The following ACAP2 variants were observed in gnomAD, a reference collection of about 807,000 sequenced individuals.
ACAP2 encodes the protein arf-GAP with coiled-coil, ANK repeat and PH domain-containing protein 2.
A neutral mutation model predicts 115.8 loss-of-function variants in ACAP2; 39 were observed. That is an observed-to-expected ratio of 0.34 (90% CI 0.26 to 0.44). ACAP2 has a LOEUF of 0.44. Among genes scored for constraint, ACAP2 ranks in the 20% least tolerant of loss-of-function variants. The pLI, the probability that ACAP2 is intolerant of heterozygous loss-of-function variation, is 1.00. For synonymous variants in ACAP2, 289 were observed against 315.8 expected (o/e 0.92, Z 0.90); for missense variants, 662 against 927.6 (o/e 0.71, Z 3.72).
At chr3:195,421,069 A>C (rs958329012) in intron 1 of ACAP2, among the ~76,000 whole-genome samples, 1 of 152,202 alleles carries the variant, frequency 6.6e-6, no homozygotes, top group Non-Finnish European at 1.5e-5. Flanking sequence ...AAGGACTAAA[A>C]ATCACTGTGC....
chr3:195,427,636 G>A (rs887691729), intron 1 of ACAP2, among the ~76,000 whole-genome samples: 4 of 152,224 alleles, frequency 2.6e-5, no homozygotes, highest in Non-Finnish European at 4.4e-5. Context: ...TAGGCCGGAC[G>A]CAGTGGCTCA....
At chr3:195,361,004 A>C (rs1443595657) in intron 4 of ACAP2, among the ~76,000 whole-genome samples, 5 of 140,364 alleles carry the variant, frequency 3.6e-5, no homozygotes, top group Non-Finnish European at 7.6e-5. Flanking sequence ...AAAAAAAAAA[A>C]CCTGAAATAA....
chr3:195,301,961 C>T lies in ACAP2; in HGVS notation c.1325+5G>A, dbSNP rs750532491. The T allele has an allele frequency of 1.2e-6, 2 of 1,611,928 alleles. No homozygotes were observed. The highest frequency in any genetic ancestry group is 1.7e-6 in the Non-Finnish European group (2 of 1,179,368). Reference sequence around the variant, plus strand: ...GAAATTCTCATCCTGGGCAGGCCTACCCACCGGTGAATTCCGGAGCACTCG... The same window carrying T: ...GAAATTCTCATCCTGGGCAGGCCTATCCACCGGTGAATTCCGGAGCACTCG... On this transcript the variant is annotated splice_donor_5th_base_variant and intron_variant, in intron 14 of 22. Transcript: ENST00000326793.
intron 19 of ACAP2, among the ~76,000 whole-genome samples, 186 bp from the exon 20 acceptor site, chr3:195,292,001 T>C (rs554820701): frequency 6.6e-6 from 1 of 152,328 alleles, no homozygotes; most frequent in South Asian, 2.1e-4. Flanking sequence ...TCCCAAGAAC[T>C]AATTCTAATA....
At position 195,326,927 on chromosome 3, in the gene ACAP2, C is replaced by G. The variant is rs760965824; in HGVS notation, c.702G>C (p.Glu234Asp). Residue 234 changes from glutamate to aspartate, a missense_variant, in exon 9 of 23, where the codon GAG becomes GAC. Glu to Asp is a conservative substitution (Grantham distance 45, BLOSUM62 2). Around this residue, in one of 3 missense-constraint regions of ACAP2, gnomAD observed 401 missense variants for 604.4 expected, o/e 0.66. Coordinates refer to ENST00000326793, the MANE Select transcript of ACAP2 (RefSeq NM_012287.6). Reference protein sequence around the residue: ...LDRLVVDAAKEKREMEQKHST... With the variant: ...LDRLVVDAAKDKREMEQKHST... ...AATGTTTTTGCTCCATTTCTCTTTTCTCCTTTGCTGCATCCACAACCAGTC... is the reference window on the plus strand; with the variant it reads ...AATGTTTTTGCTCCATTTCTCTTTTGTCCTTTGCTGCATCCACAACCAGTC... 1.9e-6 allele frequency: 3 copies of G among 1,613,970 alleles called. No individual in the cohort carries two copies. Among genetic ancestry groups the G allele is most frequent in the Non-Finnish European group, 8.5e-7 (1 of 1,179,960 alleles).
In ACAP2 at chr3:195,376,553, C is replaced by A. The variant is rs907402663; in HGVS notation, c.285+4456G>T. On this transcript the variant is annotated intron_variant, in intron 4 of 22. Transcript: ENST00000326793. ...GCGAGACTCCATTTCACAAAAACAA[C>A]AACAACAACAAAAACATATGAGTTA... Among the ~76,000 whole-genome samples the A allele has an allele frequency of 2.0e-5, 3 of 152,028 alleles. 1 individual carries two copies. The highest frequency in any genetic ancestry group is 1.3e-4 in the Admixed American group (2 of 15,244).
chr3:195,427,269 G>A (rs1262332850), intron 1 of ACAP2, among the ~76,000 whole-genome samples: 1 of 152,140 alleles, frequency 6.6e-6, no homozygotes, highest in Non-Finnish European at 1.5e-5. Flanking sequence ...CCTGCCAACT[G>A]GCCTTTTATT....
At chr3:195,354,562 T>C (rs1236411531) in intron 4 of ACAP2, among the ~76,000 whole-genome samples, 3 of 152,170 alleles carry the variant, frequency 2.0e-5, no homozygotes, top group Non-Finnish European at 4.4e-5. Flanking sequence ...TCCTTATAAA[T>C]TCTGGATATA....
intron 10 of ACAP2, among the ~76,000 whole-genome samples, chr3:195,309,075 G>A (rs1392426929): frequency 2.0e-5 from 3 of 152,124 alleles, no homozygotes; most frequent in African/African-American, 7.2e-5. Context: ...TTAATTTCAT[G>A]TCATAAATTT....
At chr3:195,316,893 ATTTTTTTTTTTTTTTT>A (rs60184290) in intron 10 of ACAP2, among the ~76,000 whole-genome samples, 2 of 53,828 alleles carry the variant, frequency 3.7e-5, no homozygotes, top group South Asian at 2.4e-3. Context: ...ATGTCAGTGA[ATTTTTTTTTTTTTTTT>A]TTTTTTTTTT....
chr3:195,371,703 A>G (rs1372743946), intron 4 of ACAP2, among the ~76,000 whole-genome samples: 1 of 152,154 alleles, frequency 6.6e-6, no homozygotes, highest in Non-Finnish European at 1.5e-5. Context: ...CCCAAGGTGG[A>G]GTGCAGTGGC....
At chr3:195,317,370 CCTT>C (rs1410658545) in intron 10 of ACAP2, among the ~76,000 whole-genome samples, 12 of 152,048 alleles carry the variant, frequency 7.9e-5, no homozygotes, top group East Asian at 1.9e-4. Flanking sequence ...ATAAAAACAA[CCTT>C]CATCATTAAA....
At chr3:195,358,352 C>T (rs1339105206) in intron 4 of ACAP2, among the ~76,000 whole-genome samples, 1 of 152,032 alleles carries the variant, frequency 6.6e-6, no homozygotes, top group Non-Finnish European at 1.5e-5. Context: ...AGCATCAAGA[C>T]CATTGAAGAA....
In ACAP2 at chr3:195,442,977, G is replaced by A. The variant is rs576255760; in HGVS notation, c.-130C>T. On this transcript the variant is annotated 5_prime_UTR_variant, in exon 1 of 23. It introduces an in-frame stop codon into an upstream open reading frame of the 5' UTR. Coordinates refer to ENST00000326793, the MANE Select transcript of ACAP2 (RefSeq NM_012287.6). The stretch of plus-strand genomic sequence containing the variant: ...TGCGCGGAGCTGCGAAGGGCGCCTC[G>A]CCCGCTGGTCATAGCAGCCGCGAAG... 2 of 795,232 alleles carry A rather than the reference G, an allele frequency of 2.5e-6. No homozygotes were observed. Among genetic ancestry groups the A allele is most frequent in the Non-Finnish European group, 3.7e-6 (2 of 542,736 alleles). The allele number at this position is 795,232 out of a possible 1,614,324, so 49.3% of individuals were successfully genotyped here.
chr3:195,288,841 G>T (rs114944473), intron 21 of ACAP2, among the ~76,000 whole-genome samples: 1 of 151,886 alleles, frequency 6.6e-6, no homozygotes, highest in African/African-American at 2.4e-5. Flanking sequence ...AGTGAGAGTC[G>T]GTCTCAAAAA....
chr3:195,398,509 T>C (rs1315147473), intron 1 of ACAP2, among the ~76,000 whole-genome samples: 1 of 151,972 alleles, frequency 6.6e-6, no homozygotes, highest in Non-Finnish European at 1.5e-5. Context: ...TGGTGGCGCA[T>C]GCCTGTAATC....
chr3:195,368,066 C>T (rs554622795), intron 4 of ACAP2, among the ~76,000 whole-genome samples: 14 of 152,328 alleles, frequency 9.2e-5, no homozygotes, highest in African/African-American at 3.4e-4. Context: ...AAGCTGCAAA[C>T]TACTTGGTAT....
intron 4 of ACAP2, among the ~76,000 whole-genome samples, chr3:195,352,372 T>C (rs1402557015): frequency 6.6e-6 from 1 of 152,222 alleles, no homozygotes; most frequent in Non-Finnish European, 1.5e-5. Flanking sequence ...TGTTAAATGA[T>C]GCGTGACTGT....
At position 195,301,963 on chromosome 3, in the gene ACAP2, C is replaced by G; in HGVS notation, c.1325+3G>C. The G allele has an allele frequency of 6.2e-7, 1 of 1,611,958 alleles. No individual in the cohort carries two copies. Among genetic ancestry groups the G allele is most frequent in the Non-Finnish European group, 8.5e-7 (1 of 1,179,396 alleles). On this transcript the variant is annotated splice_donor_region_variant and intron_variant, in intron 14 of 22. Coordinates refer to ENST00000326793, the MANE Select transcript of ACAP2 (RefSeq NM_012287.6). ...AATTCTCATCCTGGGCAGGCCTACC[C>G]ACCGGTGAATTCCGGAGCACTCGAT...
Sources: gnomAD v4.1 joint callset for allele counts (sites outside exome capture counted in the v4.1 genomes callset) on GRCh38, gnomAD v4.1.1 for gene constraint, gnomAD v4.1.1 regional missense constraint, MANE v1.5 for transcripts, NCBI Gene and HGNC (gene_info 2026-07-23, HGNC 2026-07-21) for gene names.